Variants in FREM2 observed in about 807,000 individuals in gnomAD.
FREM2 encodes FRAS1 related extracellular matrix 2.
A neutral mutation model predicts 219.9 loss-of-function variants in FREM2; 119 were observed. That is an observed-to-expected ratio of 0.54 (90% confidence interval 0.47 to 0.63). The LOEUF (loss-of-function observed/expected upper bound fraction) is 0.63. FREM2 is among the 30% of genes least tolerant of loss of function. FREM2 has a pLI of 0.00. For missense variants in FREM2, 4,030 were observed against 3,993.6 expected (o/e 1.01, Z -0.25); for synonymous variants, 1,562 against 1,522.8 (o/e 1.03, Z -0.60).
At chr13:38,706,237 A>C (rs192610194) in intron 2 of FREM2, among the ~76,000 whole-genome samples, 1 of 152,314 alleles carries the variant, frequency 6.6e-6, no homozygotes, top group East Asian at 1.9e-4. Flanking sequence ...TTTAGCAAAC[A>C]TGAGGTTCAA....
intron 2 of FREM2, among the ~76,000 whole-genome samples, chr13:38,718,574 G>T (rs925484486): frequency 6.6e-6 from 1 of 152,134 alleles, no homozygotes; most frequent in African/African-American, 2.4e-5. Flanking sequence ...ATCCTCCAGC[G>T]ATAAGCTGTA....
chr13:38,754,728 A>G (rs1223298995), intron 2 of FREM2, among the ~76,000 whole-genome samples: 1 of 152,018 alleles, frequency 6.6e-6, no homozygotes, highest in Non-Finnish European at 1.5e-5. Flanking sequence ...GAATTCAGCC[A>G]GTTTATACCT....
At chr13:38,851,134 A>G (rs1877356212) in intron 10 of FREM2, 26 bp downstream of exon 10, 1 of 1,609,716 alleles carries the variant, frequency 6.2e-7, no homozygotes, top group African/African-American at 1.3e-5. Context: ...TTGTTTGTTC[A>G]ACTGTAAATT....
At chr13:38,860,104 A>G (rs1485592104) in intron 14 of FREM2, among the ~76,000 whole-genome samples, 3 of 152,146 alleles carry the variant, frequency 2.0e-5, no homozygotes, top group Non-Finnish European at 4.4e-5. Flanking sequence ...GAGAGGAGGA[A>G]AAACCAGGAG....
At chr13:38,703,545 C>A (rs928861341) in intron 2 of FREM2, among the ~76,000 whole-genome samples, 1 of 152,082 alleles carries the variant, frequency 6.6e-6, no homozygotes, top group Non-Finnish European at 1.5e-5. Context: ...CACAATAGAT[C>A]AAGTCATCAG....
chr13:38,799,133 A>G (rs1174459964), intron 6 of FREM2, among the ~76,000 whole-genome samples: 1 of 151,938 alleles, frequency 6.6e-6, no homozygotes, highest in African/African-American at 2.4e-5. Flanking sequence ...CTTCCCTCTT[A>G]GAGCTACTTT....
intron 6 of FREM2, among the ~76,000 whole-genome samples, chr13:38,798,943 G>A (rs1874901805): frequency 6.6e-6 from 1 of 151,770 alleles, no homozygotes; most frequent in South Asian, 2.1e-4. Flanking sequence ...GATTCTTTGT[G>A]TGGGTTTATT....
rs1385840155 is a variant in FREM2 at position 38,884,353 on chromosome 13, A to G, written c.*3566A>G. 6.6e-6 allele frequency: 1 copy of G among 152,198 alleles called. No homozygotes were observed. Among genetic ancestry groups the G allele is most frequent in the African/African-American group, 2.4e-5 (1 of 41,452 alleles). 9.4% of individuals were successfully genotyped at this position (152,198 alleles called of 1,614,324 possible). ...CTTTTCCTTATACATCTCAATGCTGAGAGTTAAAATATTCCCAGGTTAAAA... is the reference window on the plus strand; with the variant it reads ...CTTTTCCTTATACATCTCAATGCTGGGAGTTAAAATATTCCCAGGTTAAAA... On this transcript the variant is annotated 3_prime_UTR_variant, in exon 24 of 24. Transcript: ENST00000280481.
chr13:38,842,266 T>A (rs1237416557), intron 6 of FREM2, among the ~76,000 whole-genome samples: 1 of 152,180 alleles, frequency 6.6e-6, no homozygotes, highest in East Asian at 1.9e-4. Flanking sequence ...GTTGAGAGGC[T>A]TTCAGCAAAG....
chr13:38,851,988 T>G, intron 11 of FREM2, 120 bp downstream of exon 11: 1 of 877,832 alleles, frequency 1.1e-6, no homozygotes, highest in Non-Finnish European at 1.9e-6. Context: ...CACTCTTTTT[T>G]AGGGGGTATA....
At position 38,692,457 on chromosome 13, in the gene FREM2, C is replaced by T. The variant is rs755589830; in HGVS notation, c.5113C>T (p.Gln1705Ter). ...TAGATTTATCGTGACAGAGGCCCCT[C>T]AACATGGATATCTTCTCAACCTGGA... ...SLRFIVTEAP[Q>*]HGYLLNLDKG... The change falls in exon 1 of 24, where the codon CAA becomes TAA. Residue 1705 changes from glutamine (Q) to a stop codon, truncating the protein, a stop_gained. Coordinates refer to ENST00000280481, the MANE Select transcript of FREM2 (RefSeq NM_207361.6). LOFTEE classifies it high-confidence loss of function. 5 of 1,613,742 alleles carry T rather than the reference C, an allele frequency of 3.1e-6. No individual in the cohort carries two copies. Among genetic ancestry groups the T allele is most frequent in the Non-Finnish European group, 4.2e-6 (5 of 1,179,906 alleles).
At chr13:38,797,030 CACACCTGGCTAT>C (rs1459149249) in intron 6 of FREM2, among the ~76,000 whole-genome samples, 5 of 151,928 alleles carry the variant, frequency 3.3e-5, no homozygotes, top group African/African-American at 1.2e-4. Context: ...TGCACACCAC[CACACCTGGCTAT>C]TTTCTTTAAA....
In FREM2 at chr13:38,886,827, C is replaced by T. The variant is rs1046204306; in HGVS notation, c.*6040C>T. The T allele has an allele frequency of 2.7e-4, 41 of 152,158 alleles. No individual in the cohort carries two copies. The highest frequency in any genetic ancestry group is 9.7e-4 in the African/African-American group (40 of 41,438). 9.4% of individuals were successfully genotyped at this position (152,158 alleles called of 1,614,324 possible). A position where few individuals can be genotyped will look rare whatever the true frequency, so the allele number is the denominator to read the frequency against. ...CTAAGTAAATTTATATTTATCTAGC[C>T]TCTGAGTGACATATCTGTGTGTAAT... On this transcript the variant is annotated 3_prime_UTR_variant, in exon 24 of 24. Transcript: ENST00000280481.
chr13:38,716,586 C>G (rs543871290), intron 2 of FREM2, among the ~76,000 whole-genome samples: 2 of 152,012 alleles, frequency 1.3e-5, no homozygotes, highest in Non-Finnish European at 2.9e-5. Context: ...GATCTCAGCT[C>G]ACTGAGATCA....
Position 38,830,726 on chromosome 13 carries a change from A to T in FREM2, c.6020-15847A>T, listed in dbSNP as rs1045040274. ...ACGTCTTTCTTTTCCTTTATCTGAG[A>T]TGCTTTTCCTCTTCAATGCTGCCAA... On this transcript the variant is annotated intron_variant, in intron 6 of 23. Coordinates refer to ENST00000280481, the MANE Select transcript of FREM2 (RefSeq NM_207361.6). 2.6e-5 allele frequency among the ~76,000 whole-genome samples: 4 copies of T among 151,790 alleles called. No homozygotes were observed. In the East Asian group the frequency reaches 5.8e-4, roughly 22 times the overall value.
intron 6 of FREM2, among the ~76,000 whole-genome samples, chr13:38,838,804 G>C (rs926180168): frequency 1.3e-5 from 2 of 152,088 alleles, no homozygotes; most frequent in Admixed American, 6.6e-5. Flanking sequence ...GTGTTTTTCA[G>C]CTCCATCAGT....
At chr13:38,736,839 A>G (rs1298700265) in intron 2 of FREM2, among the ~76,000 whole-genome samples, 1 of 151,890 alleles carries the variant, frequency 6.6e-6, no homozygotes, top group Non-Finnish European at 1.5e-5. Context: ...AAAGATGCAC[A>G]GATACATAAC....
At chr13:38,709,417 T>C (rs920113775) in intron 2 of FREM2, among the ~76,000 whole-genome samples, 4 of 152,134 alleles carry the variant, frequency 2.6e-5, no homozygotes, top group Non-Finnish European at 5.9e-5. Context: ...TTGTAAAATA[T>C]TATATATGTA....
At position 38,881,026 on chromosome 13, in the gene FREM2, C is replaced by T. The variant is rs1404487564; in HGVS notation, c.*239C>T. On this transcript the variant is annotated 3_prime_UTR_variant, in exon 24 of 24. Coordinates refer to ENST00000280481, the MANE Select transcript of FREM2 (RefSeq NM_207361.6). ...CAGCAACAACGTACTCATATGTACA[C>T]AGAGCCATGATGTGAGGAATGTACT... 1.7e-6 allele frequency: 1 copy of T among 580,882 alleles called. No homozygotes were observed. The highest frequency in any genetic ancestry group is 3.1e-6 in the Non-Finnish European group (1 of 322,594). 36.0% of individuals were successfully genotyped at this position (580,882 alleles called of 1,614,324 possible). A position where few individuals can be genotyped will look rare whatever the true frequency, so the allele number is the denominator to read the frequency against.
Sources: gnomAD v4.1 joint callset for allele counts (sites outside exome capture counted in the v4.1 genomes callset) on GRCh38, gnomAD v4.1.1 for gene constraint, MANE v1.5 for transcripts, NCBI Gene and HGNC (gene_info 2026-07-23, HGNC 2026-07-21) for gene names.